LRRC7: variants seen among roughly 807,000 people sequenced by gnomAD.
LRRC7 encodes leucine rich repeat containing 7.
Under a neutral mutation model 175.7 loss-of-function variants are expected in LRRC7, and 23 were observed. That is an observed-to-expected ratio of 0.13 (90% CI 0.09 to 0.19). The LOEUF (loss-of-function observed/expected upper bound fraction) is 0.19. Ranked by LOEUF, LRRC7 falls within the 10% of genes least tolerant of loss-of-function variation. The pLI is 1.00. For synonymous variants in LRRC7, 685 were observed against 680.9 expected, an observed-to-expected ratio of 1.01 and a Z score of -0.09; for missense variants, 1,354 against 1,904.7, an observed-to-expected ratio of 0.71 and a Z score of 5.38.
rs1365706408 is a variant in LRRC7, at chr1:70,136,118, A to G, written c.*14231A>G. On this transcript the variant is annotated 3_prime_UTR_variant, in exon 27 of 27. Transcript: ENST00000651989. ...GTGTGTCTATATATCTTATCAGGCA[A>G]TTTTTTTTTTTTTTGCATTTCCACG... Among the ~76,000 whole-genome samples the G allele has an allele frequency of 2.2e-5, 3 of 135,076 alleles. No individual in the cohort carries two copies. The highest frequency in any genetic ancestry group is 4.3e-4 in the East Asian group (2 of 4,682). 88.6% of individuals were successfully genotyped at this position (135,076 alleles called of 152,430 possible). A position where few individuals can be genotyped will look rare whatever the true frequency, so the allele number is the denominator to read the frequency against.
chr1:69,649,435 G>A (rs912572485), intron 1 of LRRC7, among the ~76,000 whole-genome samples: 4 of 152,166 alleles, frequency 2.6e-5, no homozygotes, highest in African/African-American at 9.6e-5. Flanking sequence ...ACGGAAGAAA[G>A]GAAGTGAAAT....
At chr1:69,747,678 T>C (rs1353138847) in intron 2 of LRRC7, among the ~76,000 whole-genome samples, 3 of 152,144 alleles carry the variant, frequency 2.0e-5, no homozygotes, top group Non-Finnish European at 4.4e-5. Flanking sequence ...CAGGAAGAAA[T>C]GAATAAATTT....
chr1:69,889,632 C>T (rs1380215901), intron 7 of LRRC7, among the ~76,000 whole-genome samples: 3 of 152,150 alleles, frequency 2.0e-5, no homozygotes, highest in Admixed American at 2.0e-4. Context: ...CACGCCAAAG[C>T]TCTGTCTCTA....
At chr1:69,652,535 C>A (rs963124499) in intron 1 of LRRC7, among the ~76,000 whole-genome samples, 9 of 151,902 alleles carry the variant, frequency 5.9e-5, no homozygotes, top group Admixed American at 5.9e-4. Flanking sequence ...GTTAAAATGC[C>A]CATGCTACCC....
At chr1:69,799,320 T>C (rs1676187204) in intron 4 of LRRC7, among the ~76,000 whole-genome samples, 1 of 152,042 alleles carries the variant, frequency 6.6e-6, no homozygotes, top group African/African-American at 2.4e-5. Context: ...TAATGTACAT[T>C]GTACTCATTA....
Position 70,142,056 on chromosome 1 carries a change from T to C in LRRC7, c.*20169T>C, listed in dbSNP as rs1313321587. On this transcript the variant is annotated 3_prime_UTR_variant, in exon 27 of 27. Transcript: ENST00000651989. ...TTTCTTATTTAGTCAGGAAATCTTA[T>C]GTAATATTTTTGGACGGTCCATAGG... 1 of 152,128 alleles carries C rather than the reference T, an allele frequency of 6.6e-6. No homozygotes were observed. Among genetic ancestry groups the C allele is most frequent in the Non-Finnish European group, 1.5e-5 (1 of 67,996 alleles). The allele number at this position is 152,128 out of a possible 1,614,324, so 9.4% of individuals were successfully genotyped here.
intron 9 of LRRC7, among the ~76,000 whole-genome samples, chr1:69,984,646 A>T (rs1653762647): frequency 6.6e-6 from 1 of 152,152 alleles, no homozygotes; most frequent in Non-Finnish European, 1.5e-5. Context: ...ATCAGTTACT[A>T]ATCCAATCAT....
intron 7 of LRRC7, among the ~76,000 whole-genome samples, chr1:69,880,490 T>G (rs1466293342): frequency 1.3e-5 from 2 of 152,134 alleles, no homozygotes; most frequent in Non-Finnish European, 1.5e-5. Context: ...CAGTAAGAAG[T>G]GCTGTGAGCC....
chr1:69,984,033 C>T (rs1301163321), intron 9 of LRRC7, among the ~76,000 whole-genome samples: 2 of 152,088 alleles, frequency 1.3e-5, no homozygotes, highest in Non-Finnish European at 2.9e-5. Flanking sequence ...TCAACTGATT[C>T]TCCTGCCTCA....
At chr1:69,960,788 T>TA (rs111268418) in intron 8 of LRRC7, among the ~76,000 whole-genome samples, 14,573 of 150,816 alleles carry the variant, frequency 0.097, 1,649 homozygotes, top group African/African-American at 0.28. Flanking sequence ...CTCTTTATGT[T>TA]AAAAAAAAAC....
At position 69,689,196 on chromosome 1, in the gene LRRC7, C is replaced by T. The variant is rs546103020; in HGVS notation, c.100+10718C>T. ...ACTCACTTCCCCTATGTCTCTCACA[C>T]ACTATGGTCAGCCCTTCTTCCTTTC... On this transcript the variant is annotated intron_variant, in intron 2 of 26. Coordinates refer to ENST00000651989, the MANE Select transcript of LRRC7 (RefSeq NM_001370785.2). Among the ~76,000 whole-genome samples the T allele has an allele frequency of 3.9e-5, 6 of 152,324 alleles. No homozygotes were observed. In the South Asian group the frequency reaches 1.2e-3, roughly 32 times the overall value.
intron 7 of LRRC7, among the ~76,000 whole-genome samples, chr1:69,857,629 G>A (rs1557818192): frequency 6.6e-6 from 1 of 152,058 alleles, no homozygotes; most frequent in South Asian, 2.1e-4. Flanking sequence ...ACAAATGGAA[G>A]AACATTCCAT....
intron 8 of LRRC7, among the ~76,000 whole-genome samples, chr1:69,936,786 G>A (rs1250186664): frequency 6.6e-6 from 1 of 152,110 alleles, no homozygotes; most frequent in African/African-American, 2.4e-5. Context: ...TGTGCTCAAT[G>A]TTTAGCTCCC....
chr1:69,673,121 G>C (rs1488306927), intron 1 of LRRC7, among the ~76,000 whole-genome samples: 1 of 152,068 alleles, frequency 6.6e-6, no homozygotes, highest in African/African-American at 2.4e-5. Flanking sequence ...ATCTAAACAA[G>C]TGTACACAGC....
chr1:69,651,992 A>G (rs1292093231), intron 1 of LRRC7, among the ~76,000 whole-genome samples: 5 of 152,100 alleles, frequency 3.3e-5, no homozygotes, highest in African/African-American at 1.2e-4. Flanking sequence ...CTTCTCCTTC[A>G]GGAGGAAAGG....
In LRRC7 at chr1:69,965,324, C is replaced by T. The variant is rs78560863; in HGVS notation, c.712-15055C>T. Among the ~76,000 whole-genome samples, 422 of 152,226 alleles carry T rather than the reference C, an allele frequency of 2.8e-3. 4 individuals are homozygous for T. In the East Asian group the frequency reaches 0.043, roughly 15 times the overall value. On this transcript the variant is annotated intron_variant, in intron 8 of 26. Coordinates refer to ENST00000651989, the MANE Select transcript of LRRC7 (RefSeq NM_001370785.2). ...ATCTTGGATACTAATTTTGTCATTT[C>T]GTGTATTGTCATTCCCTCCAAACAT...
intron 3 of LRRC7, among the ~76,000 whole-genome samples, chr1:69,786,155 T>A (rs948334464): frequency 1.3e-5 from 2 of 152,100 alleles, no homozygotes; most frequent in African/African-American, 2.4e-5. Context: ...TAAAGTTGAG[T>A]TCCTTAGAGG....
intron 3 of LRRC7, among the ~76,000 whole-genome samples, chr1:69,777,337 A>G (rs1672925347): frequency 6.6e-6 from 1 of 152,198 alleles, no homozygotes; most frequent in African/African-American, 2.4e-5. Flanking sequence ...AAAGGCAAGA[A>G]CTGTATAATC....
At chr1:69,717,412 T>C (rs1796961) in intron 2 of LRRC7, among the ~76,000 whole-genome samples, 68,813 of 151,174 alleles carry the variant, frequency 0.46, 15,985 homozygotes, top group African/African-American at 0.53. Flanking sequence ...CAGATAAATC[T>C]ATCATATATT....
Sources: gnomAD v4.1 joint callset for allele counts (sites outside exome capture counted in the v4.1 genomes callset) on GRCh38, gnomAD v4.1.1 for gene constraint, MANE v1.5 for transcripts, NCBI Gene and HGNC (gene_info 2026-07-23, HGNC 2026-07-21) for gene names.